The following DMXL2 variants were observed in gnomAD, a reference collection of about 807,000 sequenced individuals.
The protein encoded by DMXL2 is dmX-like protein 2.
A neutral mutation model predicts 331.1 loss-of-function variants in DMXL2; 103 were observed. The ratio of observed to expected loss-of-function variants is 0.31; its 90% CI spans 0.27 to 0.37. The LOEUF (loss-of-function observed/expected upper bound fraction) is 0.37, where lower values mean the gene tolerates loss of function less well. DMXL2 is among the 10% of genes least tolerant of loss of function. DMXL2 has a pLI of 1.00. For missense variants in DMXL2, 3,171 were observed against 3,642.9 expected (o/e 0.87, Z 3.33); for synonymous variants, 1,281 against 1,252.1 (o/e 1.02, Z -0.49).
Position 51,481,304 on chromosome 15 carries a change from T to C in DMXL2, c.5802A>G (p.Val1934=), listed in dbSNP as rs773512855. ...PDFISHRMDD[V]PSHSKALSDG... ...CACTCAGAGCTTTTGAATGTGAAGG[T>C]ACATCATCCATCCTGTGAGAAATGA... The change falls in exon 24 of 44, where the codon GTA becomes GTG. Residue 1934 remains valine, a synonymous_variant. Coordinates refer to ENST00000560891, the MANE Select transcript of DMXL2 (RefSeq NM_001378457.1). The C allele has an allele frequency of 6.8e-6, 11 of 1,614,036 alleles. No homozygotes were observed. In the African/African-American group the frequency reaches 1.5e-4, roughly 22 times the overall value.
intron 20 of DMXL2, among the ~76,000 whole-genome samples, chr15:51,489,657 A>AG (rs1194229099): frequency 6.6e-6 from 1 of 152,040 alleles, no homozygotes; most frequent in African/African-American, 2.4e-5. Context: ...TCTGTCTCAA[A>AG]GAAAAAAAAA....
chr15:51,602,542 A>C (rs2053299006), intron 1 of DMXL2, among the ~76,000 whole-genome samples: 1 of 152,146 alleles, frequency 6.6e-6, no homozygotes. Context: ...AAAGTCACAG[A>C]AAGAGGAGTC....
chr15:51,476,780 G>C, intron 26 of DMXL2, 61 bp from the exon 27 acceptor site: 1 of 1,411,462 alleles, frequency 7.1e-7, no homozygotes, highest in Non-Finnish European at 9.5e-7. Context: ...TGCACTTTAT[G>C]TATATCATCT....
chr15:51,494,397 A>G (rs1265802968), intron 19 of DMXL2, among the ~76,000 whole-genome samples: 1 of 152,216 alleles, frequency 6.6e-6, no homozygotes, highest in Non-Finnish European at 1.5e-5. Flanking sequence ...AATATAGTCC[A>G]CTGAAATAAG....
rs2039714511 is a variant in DMXL2 at position 51,457,308 on chromosome 15, C to A, written c.8337+20G>T. The A allele has an allele frequency of 6.2e-7, 1 of 1,606,870 alleles. No individual in the cohort carries two copies. Among genetic ancestry groups the A allele is most frequent in the Non-Finnish European group, 8.5e-7 (1 of 1,177,176 alleles). On this transcript the variant is annotated intron_variant, in intron 37 of 43. Transcript: ENST00000560891. ...TCAGAGTCCAAATCCAGAAATGATA[C>A]CTATAAGTAAATAACATACCACACT...
intron 2 of DMXL2, among the ~76,000 whole-genome samples, chr15:51,570,445 C>T (rs1184805087): frequency 6.6e-6 from 1 of 152,060 alleles, no homozygotes; most frequent in African/African-American, 2.4e-5. Flanking sequence ...ACAGAGAACA[C>T]CACAAAGATA....
At chr15:51,577,770 A>G (rs570686999) in intron 1 of DMXL2, among the ~76,000 whole-genome samples, 1 of 152,312 alleles carries the variant, frequency 6.6e-6, no homozygotes, top group South Asian at 2.1e-4. Context: ...ATCTAGTTTG[A>G]AATCACACAC....
At chr15:51,498,303 A>T (rs964049847) in intron 18 of DMXL2, among the ~76,000 whole-genome samples, 1 of 152,124 alleles carries the variant, frequency 6.6e-6, no homozygotes, top group Non-Finnish European at 1.5e-5. Context: ...ATCCAAAATG[A>T]CACAAAGGTT....
Position 51,480,089 on chromosome 15 carries a change from T to A in DMXL2, c.6615A>T (p.Leu2205=), listed in dbSNP as rs761183085. The part of the protein sequence containing the change: ...LQSPLPLPTT[L]PLLSASIAST... ...ACGCAATACTTGCTGAAAGCAGAGG[T>A]AGGGTGGTAGGCAGTGGTAGTGGAG... The change falls in exon 25 of 44, where the codon CTA becomes CTT. Residue 2205 remains leucine, a synonymous_variant. Coordinates refer to ENST00000560891, the MANE Select transcript of DMXL2 (RefSeq NM_001378457.1). 6.3e-7 allele frequency: 1 copy of A among 1,597,514 alleles called. No homozygotes were observed. The highest frequency in any genetic ancestry group is 1.3e-5 in the African/African-American group (1 of 74,720).
chr15:51,460,212 C>T (rs2039993627), intron 33 of DMXL2: 2 of 985,790 alleles, frequency 2.0e-6, no homozygotes, highest in Non-Finnish European at 2.4e-6. Context: ...CTAAGGATGG[C>T]TGCAATCAGA....
chr15:51,490,044 T>C (rs2042682478), intron 20 of DMXL2, among the ~76,000 whole-genome samples: 1 of 152,226 alleles, frequency 6.6e-6, no homozygotes, highest in Admixed American at 6.5e-5. Flanking sequence ...ACATTTAATG[T>C]AGAAACTGTA....
At chr15:51,602,865 G>A (rs1055122922) in intron 1 of DMXL2, among the ~76,000 whole-genome samples, 1 of 152,100 alleles carries the variant, frequency 6.6e-6, no homozygotes, top group Non-Finnish European at 1.5e-5. Flanking sequence ...AAGGCCCAGA[G>A]TCGCATAACG....
chr15:51,554,432 G>A (rs992815657), intron 6 of DMXL2, among the ~76,000 whole-genome samples: 6 of 151,978 alleles, frequency 3.9e-5, no homozygotes, highest in African/African-American at 7.3e-5. Flanking sequence ...CATGAATTAC[G>A]TAAAATAAAA....
intron 33 of DMXL2, chr15:51,460,572 A>ATATC (rs141997431): frequency 0.52 from 82,579 of 157,440 alleles, 21,950 homozygotes; most frequent in Non-Finnish European, 0.55. Context: ...TCTTATAAAT[A>ATATC]TATAACTTCA....
intron 1 of DMXL2, among the ~76,000 whole-genome samples, chr15:51,607,163 CA>C (rs540957664): frequency 1.4e-3 from 177 of 127,594 alleles, no homozygotes; most frequent in Non-Finnish European, 1.4e-3. Context: ...CTGCCCCCAC[CA>C]AAAAAAAAAA....
intron 17 of DMXL2, among the ~76,000 whole-genome samples, 194 bp downstream of exon 17, chr15:51,502,612 C>T (rs977341171): frequency 3.9e-5 from 6 of 152,038 alleles, no homozygotes; most frequent in Non-Finnish European, 7.4e-5. Context: ...AGTGAGCCAC[C>T]GCACCCAGCC....
At chr15:51,454,667 T>C (rs2039460453) in intron 40 of DMXL2, among the ~76,000 whole-genome samples, 1 of 152,194 alleles carries the variant, frequency 6.6e-6, no homozygotes, top group Non-Finnish European at 1.5e-5. Context: ...TGGCTAATTT[T>C]TGTATTTTTA....
chr15:51,476,666 A>G lies in DMXL2; in HGVS notation c.6887T>C (p.Leu2296Ser), dbSNP rs1417862773. Residue 2296 changes from leucine (L) to serine (S), a missense_variant, in exon 27 of 44, where the codon TTA (leucine) becomes TCA (serine). Transcript: ENST00000560891. ...FTGMAYQGLLLSDRRRLRTES... is the reference protein window; with the variant it reads ...FTGMAYQGLLSSDRRRLRTES... ...TGTCCTTAGTCTTCTACGATCACTT[A>G]AAAGAAGTCCTTGATAAGCCATTCC... The G allele has an allele frequency of 3.1e-6, 5 of 1,610,768 alleles. No homozygotes were observed. The South Asian group carries it at 5.6e-5, about 18-fold the overall frequency.
intron 32 of DMXL2, 73 bp downstream of exon 32, chr15:51,464,602 G>A: frequency 8.0e-7 from 1 of 1,253,906 alleles, no homozygotes; most frequent in Non-Finnish European, 1.1e-6. Flanking sequence ...AAAGTATATT[G>A]GCATATTTAG....
Sources: allele counts gnomAD v4.1 joint callset (sites outside exome capture counted in the v4.1 genomes callset), GRCh38; gene constraint gnomAD v4.1.1; transcripts MANE v1.5; gene names NCBI Gene and HGNC (gene_info 2026-07-23, HGNC 2026-07-21).